Variants in MRTFB observed in about 807,000 individuals in gnomAD.
MRTFB encodes the protein myocardin-related transcription factor B.
A neutral mutation model predicts 104.2 loss-of-function variants in MRTFB; 29 were observed. That is an observed-to-expected ratio of 0.28 (90% CI 0.21 to 0.38). MRTFB has a LOEUF of 0.38. MRTFB is among the 10% of genes least tolerant of loss of function. MRTFB has a pLI of 1.00. For missense variants in MRTFB, 1,270 were observed against 1,341.6 expected (o/e 0.95, Z 0.83); for synonymous variants, 535 against 519.5 (o/e 1.03, Z -0.41).
intron 6 of MRTFB, among the ~76,000 whole-genome samples, chr16:14,215,808 T>C (rs572184605): frequency 1.3e-5 from 2 of 152,374 alleles, no homozygotes; most frequent in African/African-American, 4.8e-5. Context: ...AACCTTGTGC[T>C]AGGGCCTTCT....
At chr16:14,033,490 G>A in the MRTFB span, among the ~76,000 whole-genome samples, 9 of 151,864 alleles carry the variant, frequency 5.9e-5, no homozygotes, top group East Asian at 5.8e-4. Context: ...GCAGTGAGCC[G>A]TGTTCGTGCC....
intron 2 of MRTFB, among the ~76,000 whole-genome samples, chr16:14,118,287 C>G (rs1398014079): frequency 6.6e-6 from 1 of 151,836 alleles, no homozygotes; most frequent in African/African-American, 2.4e-5. Context: ...CAGGCACACG[C>G]CACCACACCC....
At chr16:14,150,754 G>A (rs1256064526) in intron 3 of MRTFB, 1 of 152,186 alleles carries the variant, frequency 6.6e-6, no homozygotes, top group African/African-American at 2.4e-5. Context: ...TACACAGTCT[G>A]TTTATAAAAT....
chr16:14,231,394 T>A (rs138373348), intron 8 of MRTFB, among the ~76,000 whole-genome samples: 1 of 152,304 alleles, frequency 6.6e-6, no homozygotes, highest in East Asian at 1.9e-4. Context: ...ATACTTTAAC[T>A]TTTATTTTAG....
rs563355091 is a variant in MRTFB at position 14,185,534 on chromosome 16, C to A, written c.155-24709C>A. Among the ~76,000 whole-genome samples the A allele has an allele frequency of 2.0e-5, 3 of 152,190 alleles. No homozygotes were observed. In the South Asian group the frequency reaches 6.2e-4, roughly 32 times the overall value. ...AATTAGTGGCTCTTAGTTATTGACC[C>A]AGGACTTCTTTAGAATTCTGGGTAT... On this transcript the variant is annotated intron_variant, in intron 3 of 16. Coordinates refer to ENST00000571589, the MANE Select transcript of MRTFB (RefSeq NM_001308142.2).
the MRTFB span, among the ~76,000 whole-genome samples, chr16:14,006,347 G>GA: frequency 8.6e-4 from 121 of 141,148 alleles, no homozygotes; most frequent in South Asian, 1.1e-3. Flanking sequence ...CGTCTCAAAA[G>GA]AAAAAAAAAA....
intron 9 of MRTFB, among the ~76,000 whole-genome samples, chr16:14,237,746 T>C (rs1238726754): frequency 6.6e-6 from 1 of 151,986 alleles, no homozygotes; most frequent in Admixed American, 6.6e-5. Context: ...ACGCAGAGTC[T>C]CGGTGCAGGC....
chr16:14,103,014 T>TCTG (rs1269728124), intron 2 of MRTFB, among the ~76,000 whole-genome samples: 6 of 152,190 alleles, frequency 3.9e-5, no homozygotes, highest in Non-Finnish European at 8.8e-5. Flanking sequence ...TTCTTCCACA[T>TCTG]CTGCCTCTAC....
At chr16:14,235,374 T>C (rs1039510706) in intron 9 of MRTFB, among the ~76,000 whole-genome samples, 1 of 152,142 alleles carries the variant, frequency 6.6e-6, no homozygotes, top group African/African-American at 2.4e-5. Context: ...ATCAGTTTTA[T>C]ACCTCCTCTC....
At chr16:14,036,296 T>TTATTTATATATATATATATATATATATA in the MRTFB span, among the ~76,000 whole-genome samples, 4 of 98,316 alleles carry the variant, frequency 4.1e-5, no homozygotes, top group Non-Finnish European at 8.1e-5. Flanking sequence ...TTATATATAT[T>TTATTTATATATATATATATATATATATA]TATATATATA....
At chr16:14,025,240 G>A in the MRTFB span, among the ~76,000 whole-genome samples, 1 of 152,180 alleles carries the variant, frequency 6.6e-6, no homozygotes, top group South Asian at 2.1e-4. Flanking sequence ...AAGTGCCGTG[G>A]TGCAATCATG....
At chr16:14,024,301 A>G in the MRTFB span, among the ~76,000 whole-genome samples, 1 of 152,250 alleles carries the variant, frequency 6.6e-6, no homozygotes, top group Non-Finnish European at 1.5e-5. Context: ...GTCATCAAGC[A>G]TGCATTTTAT....
chr16:14,209,665 T>C (rs1235698993), intron 3 of MRTFB, among the ~76,000 whole-genome samples: 1 of 152,224 alleles, frequency 6.6e-6, no homozygotes, highest in African/African-American at 2.4e-5. Context: ...AACTGATTTG[T>C]GACTTTCTTA....
chr16:14,253,033 G>C (rs954383402), intron 15 of MRTFB, among the ~76,000 whole-genome samples: 2 of 152,254 alleles, frequency 1.3e-5, no homozygotes, highest in African/African-American at 4.8e-5. Flanking sequence ...CAGATCTGAG[G>C]TTCTCCTGGT....
At chr16:14,246,326 G>A (rs2151401031) in intron 11 of MRTFB, 147 bp from the exon 12 acceptor site, 1 of 730,670 alleles carries the variant, frequency 1.4e-6, no homozygotes, top group East Asian at 2.7e-5. Flanking sequence ...GTTTCTGTGT[G>A]CTTAAATATA....
chr16:14,222,246 C>G (rs539702371), intron 8 of MRTFB, among the ~76,000 whole-genome samples: 1 of 152,214 alleles, frequency 6.6e-6, no homozygotes, highest in Non-Finnish European at 1.5e-5. Context: ...TCTTGTTTGC[C>G]TGAGCCAAAT....
intron 10 of MRTFB, among the ~76,000 whole-genome samples, chr16:14,243,643 G>C (rs143475235): frequency 3.9e-4 from 59 of 152,298 alleles, no homozygotes; most frequent in Non-Finnish European, 6.9e-4. Context: ...AATTTGACAA[G>C]TGATGCACCA....
chr16:14,228,037 T>C (rs1445143394), intron 8 of MRTFB, among the ~76,000 whole-genome samples: 1 of 151,302 alleles, frequency 6.6e-6, no homozygotes, highest in Non-Finnish European at 1.5e-5. Flanking sequence ...TCTAACAAGA[T>C]ACTGGATATC....
At chr16:14,044,087 A>T in the MRTFB span, among the ~76,000 whole-genome samples, 1 of 152,212 alleles carries the variant, frequency 6.6e-6, no homozygotes, top group Middle Eastern at 3.2e-3. Flanking sequence ...GCCTCACATG[A>T]CAACACTTGG....
Sources: gnomAD v4.1 joint callset for allele counts (sites outside exome capture counted in the v4.1 genomes callset) on GRCh38, gnomAD v4.1.1 for gene constraint, MANE v1.5 for transcripts, NCBI Gene and HGNC (gene_info 2026-07-23, HGNC 2026-07-21) for gene names.